NDUFAF2: variants seen among roughly 807,000 people sequenced by gnomAD.
NDUFAF2 encodes NADH:ubiquinone oxidoreductase complex assembly factor 2.
A neutral mutation model predicts 22.8 loss-of-function variants in NDUFAF2; 13 were observed. The ratio of observed to expected loss-of-function variants is 0.57; its 90% confidence interval spans 0.37 to 0.91. The LOEUF is 0.91. NDUFAF2 is among the 40% of genes least tolerant of loss of function. The pLI, the probability that NDUFAF2 is intolerant of heterozygous loss-of-function variation, is 0.01. For synonymous variants in NDUFAF2, 53 were observed against 64.2 expected, an observed-to-expected ratio of 0.83 and a Z score of 0.84; for missense variants, 162 against 195.2, an observed-to-expected ratio of 0.83 and a Z score of 1.01.
At chr5:61,003,898 C>T (rs1751331197) in intron 1 of NDUFAF2, among the ~76,000 whole-genome samples, 1 of 151,904 alleles carries the variant, frequency 6.6e-6, no homozygotes, top group Non-Finnish European at 1.5e-5. Context: ...AAGCTCTGTC[C>T]TCAAGTGATC....
chr5:61,070,454 A>G (rs954768470), intron 1 of NDUFAF2, among the ~76,000 whole-genome samples: 2 of 152,164 alleles, frequency 1.3e-5, no homozygotes, highest in East Asian at 1.9e-4. Flanking sequence ...AATTTATTTA[A>G]TAAGCTAATA....
intron 3 of NDUFAF2, among the ~76,000 whole-genome samples, chr5:61,145,519 C>T (rs1413179193): frequency 6.6e-6 from 1 of 152,172 alleles, no homozygotes; most frequent in Non-Finnish European, 1.5e-5. Context: ...TTTTTGAGCA[C>T]TATTAAGGCA....
chr5:61,013,194 T>A (rs1367557453), intron 1 of NDUFAF2, among the ~76,000 whole-genome samples: 1 of 151,982 alleles, frequency 6.6e-6, no homozygotes, highest in African/African-American at 2.4e-5. Flanking sequence ...GTAGCTTTTT[T>A]AAAAAAAATT....
At chr5:61,083,557 T>C (rs1580126809) in intron 2 of NDUFAF2, among the ~76,000 whole-genome samples, 1 of 151,888 alleles carries the variant, frequency 6.6e-6, no homozygotes, top group African/African-American at 2.4e-5. Flanking sequence ...TTTCACCATG[T>C]TGGCCATCCT....
chr5:60,963,071 A>G (rs1352793759), intron 1 of NDUFAF2, among the ~76,000 whole-genome samples: 2 of 151,746 alleles, frequency 1.3e-5, no homozygotes, highest in Non-Finnish European at 2.9e-5. Context: ...TTTTTAGTAG[A>G]GGCAGGGTTT....
At chr5:61,098,327 G>A (rs1678376587) in intron 2 of NDUFAF2, among the ~76,000 whole-genome samples, 1 of 152,200 alleles carries the variant, frequency 6.6e-6, no homozygotes, top group South Asian at 2.1e-4. Flanking sequence ...AATCTCATAA[G>A]CACTATACTA....
At chr5:61,007,866 G>C (rs533046101) in intron 1 of NDUFAF2, among the ~76,000 whole-genome samples, 1 of 152,022 alleles carries the variant, frequency 6.6e-6, no homozygotes, top group South Asian at 2.1e-4. Context: ...TGTTTATTGC[G>C]GCACTATTCA....
chr5:61,135,992 T>G (rs1207960594), intron 3 of NDUFAF2, among the ~76,000 whole-genome samples: 2 of 134,918 alleles, frequency 1.5e-5, no homozygotes, highest in Non-Finnish European at 3.1e-5. Context: ...GGTCCCTACA[T>G]CTAAGCCTGT....
intron 1 of NDUFAF2, among the ~76,000 whole-genome samples, chr5:61,030,470 C>A (rs941091403): frequency 3.9e-5 from 6 of 152,088 alleles, no homozygotes; most frequent in Non-Finnish European, 5.9e-5. Flanking sequence ...AACAACAGAT[C>A]TCAGCTCTTG....
chr5:61,079,180 ATAAT>A (rs989284593), intron 2 of NDUFAF2, among the ~76,000 whole-genome samples: 1 of 152,212 alleles, frequency 6.6e-6, no homozygotes, highest in Non-Finnish European at 1.5e-5. Flanking sequence ...AACACTGTTA[ATAAT>A]TAATATCTCA....
chr5:61,081,447 C>CA (rs950659167), intron 2 of NDUFAF2, among the ~76,000 whole-genome samples: 1 of 152,046 alleles, frequency 6.6e-6, no homozygotes, highest in African/African-American at 2.4e-5. Flanking sequence ...AGGGATACAA[C>CA]AAAAAAGTGT....
chr5:60,995,589 C>T (rs1751218837), intron 1 of NDUFAF2, among the ~76,000 whole-genome samples: 1 of 152,222 alleles, frequency 6.6e-6, no homozygotes, highest in Non-Finnish European at 1.5e-5. Context: ...CAACAAGCAT[C>T]CCTATGGCCA....
intron 1 of NDUFAF2, among the ~76,000 whole-genome samples, chr5:60,975,191 T>G (rs1750886119): frequency 6.6e-6 from 1 of 152,156 alleles, no homozygotes; most frequent in Non-Finnish European, 1.5e-5. Context: ...TTTGGTTTTG[T>G]GTATGTATGT....
chr5:61,066,062 A>G (rs1254930101), intron 1 of NDUFAF2, among the ~76,000 whole-genome samples: 1 of 152,104 alleles, frequency 6.6e-6, no homozygotes, highest in Non-Finnish European at 1.5e-5. Flanking sequence ...GCATTTTAAT[A>G]CACAACCTAA....
In NDUFAF2 at chr5:60,988,130, C is replaced by T. The variant is rs542673461; in HGVS notation, c.127+42748C>T. ...TACAAAAATTAGTAGCATTTCTTTA[C>T]ACCAACATGCAAGTGAAGAGCCGTA... On this transcript the variant is annotated intron_variant, in intron 1 of 3. Coordinates refer to ENST00000296597, the MANE Select transcript of NDUFAF2 (RefSeq NM_174889.5). Among the ~76,000 whole-genome samples, 7 of 152,246 alleles carry T rather than the reference C, an allele frequency of 4.6e-5. No individual in the cohort carries two copies. The East Asian group carries it at 1.4e-3, about 29-fold the overall frequency.
intron 3 of NDUFAF2, among the ~76,000 whole-genome samples, chr5:61,114,280 ATTCT>A (rs1752880116): frequency 6.6e-6 from 1 of 152,050 alleles, no homozygotes; most frequent in South Asian, 2.1e-4. Context: ...AGGCTCACTA[ATTCT>A]TTCTTCTGCT....
intron 1 of NDUFAF2, among the ~76,000 whole-genome samples, chr5:61,047,377 G>A (rs1321750777): frequency 6.6e-6 from 1 of 151,984 alleles, no homozygotes; most frequent in African/African-American, 2.4e-5. Flanking sequence ...CAGGTGGTCT[G>A]GCTCCAATAT....
intron 1 of NDUFAF2, among the ~76,000 whole-genome samples, chr5:61,056,909 A>T (rs1358440952): frequency 1.1e-3 from 47 of 42,128 alleles, no homozygotes; most frequent in South Asian, 7.3e-3. Flanking sequence ...AAAAAAAAAA[A>T]AAAAAAAAAA....
At chr5:61,076,595 T>A (rs1752373541) in intron 2 of NDUFAF2, among the ~76,000 whole-genome samples, 1 of 152,182 alleles carries the variant, frequency 6.6e-6, no homozygotes, top group South Asian at 2.1e-4. Flanking sequence ...GTTAGAGAGT[T>A]AATAGGATTG....
Sources: gnomAD v4.1 joint callset for allele counts (sites outside exome capture counted in the v4.1 genomes callset) on GRCh38, gnomAD v4.1.1 for gene constraint, MANE v1.5 for transcripts, NCBI Gene and HGNC (gene_info 2026-07-23, HGNC 2026-07-21) for gene names.